Variants in ANKRD11 observed in about 807,000 individuals in gnomAD.
ANKRD11 encodes ankyrin repeat domain-containing protein 11.
A neutral mutation model predicts 195.7 loss-of-function variants in ANKRD11; 17 were observed. That is an observed-to-expected ratio of 0.09 (90% confidence interval 0.06 to 0.13). The LOEUF (loss-of-function observed/expected upper bound fraction) is 0.13, where lower values mean the gene tolerates loss of function less well. ANKRD11 is among the 10% of genes least tolerant of loss of function. ANKRD11 has a pLI of 1.00. For missense variants in ANKRD11, 3,735 were observed against 3,566.1 expected (o/e 1.05, Z -1.21); for synonymous variants, 1,953 against 1,528.1 (o/e 1.28, Z -6.49).
chr16:89,280,791 C>A lies in ANKRD11; in HGVS notation c.5751G>T (p.Gln1917His). Residue 1917 changes from glutamine (Q) to histidine (H), a missense_variant, in exon 9 of 13, where the codon CAG (glutamine) becomes CAT (histidine). Physicochemically the swap from Gln to His is conservative, Grantham distance 24. Transcript: ENST00000301030. ...GGGGGATGATGGCGGCCGTCGCCTG[C>A]TGGTCCTCGGAGGTGTCCAGGTCCG... ...LPPDLDTSED[Q>H]QATAAIIPPE... 1 of 1,610,986 alleles carries A rather than the reference C, an allele frequency of 6.2e-7. No homozygotes were observed.
chr16:89,447,906 G>T (rs1341340796), intron 1 of ANKRD11, among the ~76,000 whole-genome samples: 1 of 150,428 alleles, frequency 6.6e-6, no homozygotes, highest in Admixed American at 6.7e-5. Context: ...CCAGGTTCAA[G>T]CAATTGTCCT....
chr16:89,475,039 G>T (rs778603762), intron 1 of ANKRD11, among the ~76,000 whole-genome samples: 1 of 152,178 alleles, frequency 6.6e-6, no homozygotes, highest in Non-Finnish European at 1.5e-5. Context: ...CTCAAGTAAG[G>T]GGGTGGCAGC....
chr16:89,445,684 C>A (rs182431427), intron 1 of ANKRD11, among the ~76,000 whole-genome samples: 1 of 152,074 alleles, frequency 6.6e-6, no homozygotes, highest in African/African-American at 2.4e-5. Context: ...TTTAAAAAAA[C>A]GATTTTGAGC....
Position 89,285,856 on chromosome 16 carries a change from T to G in ANKRD11, c.892+183A>C, listed in dbSNP as rs146679901. On this transcript the variant is annotated intron_variant, in intron 8 of 12. Transcript: ENST00000301030. This position sits in a 1 kb window ranked among gnomAD's most constrained non-coding sequence, Gnocchi z 5.6. ...GACAGACAGGGCTGGCATCTTAGAA[T>G]GAAGACTGCAGGCTTCTCGGCAGTG... is the stretch of plus-strand genomic sequence containing the variant. Among the ~76,000 whole-genome samples, 622 of 152,352 alleles carry G rather than the reference T, an allele frequency of 4.1e-3. 8 individuals are homozygous for G. Among genetic ancestry groups the G allele is most frequent in the South Asian group, 0.02 (95 of 4,826 alleles).
At chr16:89,372,077 G>A (rs2040217181) in intron 2 of ANKRD11, among the ~76,000 whole-genome samples, 2 of 152,204 alleles carry the variant, frequency 1.3e-5, no homozygotes, top group South Asian at 2.1e-4. Context: ...GGTGGACTGA[G>A]GAACCACAAG....
At chr16:89,286,639 A>G in intron 7 of ANKRD11, 1 of 1,217,764 alleles carries the variant, frequency 8.2e-7, no homozygotes, top group Non-Finnish European at 1.0e-6. Context: ...GGGGGGACAG[A>G]ATAGAGGAAA....
At chr16:89,292,730 C>A (rs1221424081) in intron 4 of ANKRD11, among the ~76,000 whole-genome samples, 1 of 152,256 alleles carries the variant, frequency 6.6e-6, no homozygotes, top group Non-Finnish European at 1.5e-5. Context: ...CTCATAGAAC[C>A]TGGCAAACAC....
chr16:89,300,452 C>CCGCCTG (rs2035779473), intron 4 of ANKRD11: 1 of 194,882 alleles, frequency 5.1e-6, no homozygotes, highest in Non-Finnish European at 1.1e-5. Flanking sequence ...GGCACCTGCC[C>CCGCCTG]CGCCTGCGAG....
intron 2 of ANKRD11, among the ~76,000 whole-genome samples, chr16:89,327,051 G>GGGAAATGCAGAGGTT (rs2037770323): frequency 1.3e-5 from 2 of 150,650 alleles, no homozygotes; most frequent in Non-Finnish European, 3.0e-5. Context: ...ATGCAGAGGT[G>GGGAAATGCAGAGGTT]GGAAATGCAG....
intron 3 of ANKRD11, among the ~76,000 whole-genome samples, chr16:89,312,950 T>C (rs2036692474): frequency 6.6e-6 from 1 of 152,228 alleles, no homozygotes; most frequent in Non-Finnish European, 1.5e-5. Context: ...AGACCAGATG[T>C]GAGTCTGTAA....
chr16:89,483,899 A>G (rs1470607651), intron 1 of ANKRD11, among the ~76,000 whole-genome samples: 1 of 152,200 alleles, frequency 6.6e-6, no homozygotes, highest in East Asian at 1.9e-4. Flanking sequence ...TTTCAGATAG[A>G]CTATTCTCAA....
intron 2 of ANKRD11, chr16:89,343,739 A>C (rs2038805065): frequency 6.6e-6 from 1 of 152,322 alleles, no homozygotes; most frequent in Admixed American, 6.5e-5. Flanking sequence ...CATGTTTTCA[A>C]GGAAGGGTCT....
intron 2 of ANKRD11, among the ~76,000 whole-genome samples, chr16:89,399,691 C>A (rs771333131): frequency 6.6e-6 from 1 of 152,134 alleles, no homozygotes; most frequent in African/African-American, 2.4e-5. Context: ...AGGGCGGTCG[C>A]GACTATAACA....
rs2044099192 is a variant in ANKRD11, at chr16:89,452,010, GA to G, written c.-144-33643del. ...GCAGTGTCTCACGTCTATAATCCCA[GA>G]ACTTTGGGAGGCCGAGGCAGGTGGA... On this transcript the variant is annotated intron_variant, in intron 1 of 12. Coordinates refer to ENST00000301030, the MANE Select transcript of ANKRD11 (RefSeq NM_013275.6). Among the ~76,000 whole-genome samples, 3 of 152,130 alleles carry G rather than the reference GA, an allele frequency of 2.0e-5. No homozygotes were observed. The South Asian group carries it at 6.2e-4, about 32-fold the overall frequency.
chr16:89,401,662 C>T (rs957680122), intron 2 of ANKRD11, among the ~76,000 whole-genome samples: 1 of 152,154 alleles, frequency 6.6e-6, no homozygotes, highest in African/African-American at 2.4e-5. Flanking sequence ...ACACCACAGA[C>T]GATGGCCTTC....
Position 89,291,490 on chromosome 16 carries a change from T to C in ANKRD11, c.227-307A>G, listed in dbSNP as rs2035061720. Among the ~76,000 whole-genome samples, 1 of 152,166 alleles carries C rather than the reference T, an allele frequency of 6.6e-6. No homozygotes were observed. The highest frequency in any genetic ancestry group is 6.5e-5 in the Admixed American group (1 of 15,276). On this transcript the variant is annotated intron_variant, in intron 4 of 12. Transcript: ENST00000301030. This position sits in a 1 kb window ranked among gnomAD's most constrained non-coding sequence, Gnocchi z 5.3. ...CTCTCCTGGGCCTCCCCAGACCTCG[T>C]ACCACACATGAATGCGGTGGGACAG... is the stretch of plus-strand genomic sequence containing the variant.
intron 1 of ANKRD11, among the ~76,000 whole-genome samples, chr16:89,424,616 G>A (rs377371868): frequency 3.9e-5 from 6 of 152,048 alleles, no homozygotes; most frequent in Non-Finnish European, 7.4e-5. Context: ...ACATTACGCT[G>A]AGCAAAAAGG....
intron 1 of ANKRD11, among the ~76,000 whole-genome samples, chr16:89,475,068 G>C (rs1259618210): frequency 6.6e-6 from 1 of 152,206 alleles, no homozygotes; most frequent in Non-Finnish European, 1.5e-5. Flanking sequence ...CCACAATTCA[G>C]GGCAATCTCT....
rs547935408 is a variant in ANKRD11 at position 89,286,569 on chromosome 16, C to G, written c.745-383G>C. The G allele has an allele frequency of 4.7e-6, 4 of 860,048 alleles. No individual in the cohort carries two copies. In the South Asian group the frequency reaches 5.3e-5, roughly 11 times the overall value. The allele number at this position is 860,048 out of a possible 1,614,324, so 53.3% of individuals were successfully genotyped here. On this transcript the variant is annotated intron_variant, in intron 7 of 12. Coordinates refer to ENST00000301030, the MANE Select transcript of ANKRD11 (RefSeq NM_013275.6). ...AGTGAGCTCCTCAGCAGAGTGGTGC[C>G]GGAGTGGTCGTGGAGGGCTCAGGCA...
Sources: gnomAD v4.1 joint callset for allele counts (sites outside exome capture counted in the v4.1 genomes callset) on GRCh38, gnomAD v4.1.1 for gene constraint, Gnocchi (gnomAD v3.1) non-coding constraint, MANE v1.5 for transcripts, NCBI Gene and HGNC (gene_info 2026-07-23, HGNC 2026-07-21) for gene names.